MTFR1: variants seen among roughly 807,000 people sequenced by gnomAD.
MTFR1 encodes chondrocyte protein with a poly-proline region.
In MTFR1, 28 loss-of-function variants were observed where a neutral mutation model predicts 38.8. The observed-to-expected ratio is 0.72, with a 90% CI of 0.53 to 0.99. The LOEUF is 0.99. Among genes scored for constraint, MTFR1 ranks in the 50% least tolerant of loss-of-function variants. The pLI, the probability that MTFR1 is intolerant of heterozygous loss-of-function variation, is 0.00. For missense variants in MTFR1, 358 were observed against 395.5 expected (o/e 0.91, Z 0.81); for synonymous variants, 145 against 137.0 (o/e 1.06, Z -0.41).
intron 2 of MTFR1, among the ~76,000 whole-genome samples, chr8:65,675,812 G>A (rs190578993): frequency 2.6e-5 from 4 of 152,236 alleles, no homozygotes; most frequent in Admixed American, 2.0e-4. Context: ...TCTCTTTACT[G>A]TCTTTTATTT....
intron 3 of MTFR1, among the ~76,000 whole-genome samples, chr8:65,743,488 CA>C (rs1290386320): frequency 1.3e-5 from 2 of 152,154 alleles, no homozygotes; most frequent in African/African-American, 4.8e-5. Context: ...CTGATAAAGA[CA>C]AACTTCACTG....
At chr8:65,711,557 C>CTCTT (rs1805947289), downstream of MTFR1, among the ~76,000 whole-genome samples, 2 of 152,162 alleles carry the variant, frequency 1.3e-5, no homozygotes, top group Admixed American at 1.3e-4. Flanking sequence ...TTTCTGTGTC[C>CTCTT]TCTTTCCCTT....
intron 4 of MTFR1, among the ~76,000 whole-genome samples, chr8:65,703,686 T>C (rs912036156): frequency 6.6e-6 from 1 of 152,022 alleles, no homozygotes; most frequent in Non-Finnish European, 1.5e-5. Context: ...CCACCCACCT[T>C]GGGCTCCCAA....
chr8:65,739,630 G>A, intron 3 of MTFR1: 2 of 1,454,562 alleles, frequency 1.4e-6, no homozygotes, highest in Non-Finnish European at 1.8e-6. Context: ...ACATTAGTAG[G>A]AAATACAAGT....
chr8:65,648,394 T>G (rs952467291), intron 1 of MTFR1, among the ~76,000 whole-genome samples: 2 of 152,146 alleles, frequency 1.3e-5, no homozygotes, highest in Non-Finnish European at 2.9e-5. Context: ...GCAAATAGGT[T>G]TCTCAATTAC....
At position 65,735,523 on chromosome 8, in the gene MTFR1, C is replaced by T. The variant is rs552637429; in HGVS notation, c.*48+16042C>T. On this transcript the variant is annotated intron_variant, in intron 3 of 3. Coordinates refer to the MTFR1 transcript ENST00000521247. ...ACAGGATCTTGCCATGTTGCCCAGG[C>T]TGGTTTCAAACCCCTGGGCTCAAGG... 3.9e-5 allele frequency among the ~76,000 whole-genome samples: 6 copies of T among 152,218 alleles called. No individual in the cohort carries two copies. The South Asian group carries it at 1.0e-3, about 26-fold the overall frequency.
At chr8:65,693,397 G>T (rs1377768649) in intron 3 of MTFR1, among the ~76,000 whole-genome samples, 2 of 149,364 alleles carry the variant, frequency 1.3e-5, no homozygotes, top group African/African-American at 4.9e-5. Flanking sequence ...GCTAGACTTT[G>T]TCTCAAAAAA....
intron 3 of MTFR1, among the ~76,000 whole-genome samples, chr8:65,763,232 T>C (rs1808600215): frequency 6.6e-6 from 1 of 152,122 alleles, no homozygotes; most frequent in African/African-American, 2.4e-5. Context: ...ATGTTCACTT[T>C]GAAAAAATTT....
intron 3 of MTFR1, among the ~76,000 whole-genome samples, chr8:65,724,511 C>T (rs1442244257): frequency 6.6e-6 from 1 of 152,088 alleles, no homozygotes; most frequent in African/African-American, 2.4e-5. Flanking sequence ...GAATAAAATG[C>T]TATTTCTTAA....
chr8:65,708,003 A>T lies in MTFR1; in HGVS notation c.925A>T (p.Arg309Ter). ...PKSESEATSE[R>*]VLFGPHMLKP... ...GTCTGAATCAGAGGCCACCTCAGAG[A>T]GAGTGTTGGTGAGTTATTTGCCCAG... Residue 309 changes from arginine (R) to a stop codon, truncating the protein, a stop_gained, in exon 7 of 8, where the codon AGA (arginine) becomes TGA (stop). Coordinates refer to ENST00000262146, the MANE Select transcript of MTFR1 (RefSeq NM_014637.4). LOFTEE classifies it high-confidence loss of function. 2 of 1,612,166 alleles carry T rather than the reference A, an allele frequency of 1.2e-6. No homozygotes were observed. Among genetic ancestry groups the T allele is most frequent in the South Asian group, 1.1e-5 (1 of 91,078 alleles).
rs1338130921 is a variant in MTFR1, at chr8:65,709,799, T to TAA, written c.*756_*757dup. ...CAAATTATTGAATTAAATTTCTTCTTAAGAAGTAAAAACTCAGAATGTACC... is the reference window on the plus strand; with the variant it reads ...CAAATTATTGAATTAAATTTCTTCTTAAAAGAAGTAAAAACTCAGAATGTACC... On this transcript the variant is annotated 3_prime_UTR_variant, in exon 8 of 8. Coordinates refer to ENST00000262146, the MANE Select transcript of MTFR1 (RefSeq NM_014637.4). 6.5e-6 allele frequency: 1 copy of TAA among 152,678 alleles called. No homozygotes were observed. The highest frequency in any genetic ancestry group is 1.9e-4 in the East Asian group (1 of 5,204). 9.5% of individuals were successfully genotyped at this position (152,678 alleles called of 1,614,324 possible). A position where few individuals can be genotyped will look rare whatever the true frequency, so the allele number is the denominator to read the frequency against.
intron 4 of MTFR1, among the ~76,000 whole-genome samples, chr8:65,702,826 A>G (rs969314224): frequency 1.3e-5 from 2 of 151,694 alleles, no homozygotes; most frequent in Non-Finnish European, 2.9e-5. Context: ...ATGGGTGAGG[A>G]GCTAAAAAGG....
chr8:65,684,197 T>C (rs1445864527), intron 3 of MTFR1, among the ~76,000 whole-genome samples: 3 of 152,156 alleles, frequency 2.0e-5, no homozygotes, highest in Admixed American at 6.6e-5. Flanking sequence ...CTCGATGTTA[T>C]CAGTCTTTTA....
chr8:65,729,902 T>C (rs1806780662), intron 3 of MTFR1, among the ~76,000 whole-genome samples: 1 of 151,900 alleles, frequency 6.6e-6, no homozygotes, highest in Non-Finnish European at 1.5e-5. Context: ...ATTATGTCCA[T>C]CCTGAGAAAT....
chr8:65,719,664 C>T, intron 3 of MTFR1: 1 of 585,596 alleles, frequency 1.7e-6, no homozygotes, highest in South Asian at 2.2e-5. Flanking sequence ...ATGTACATAT[C>T]CACTTTGAAG....
chr8:65,688,645 C>G (rs1473417838), intron 3 of MTFR1, among the ~76,000 whole-genome samples: 1 of 149,720 alleles, frequency 6.7e-6, no homozygotes, highest in Admixed American at 6.7e-5. Context: ...GGGGTTTCAC[C>G]ATGTTAGCCA....
At chr8:65,653,789 G>A (rs1005789610) in intron 1 of MTFR1, among the ~76,000 whole-genome samples, 3 of 152,046 alleles carry the variant, frequency 2.0e-5, no homozygotes, top group Non-Finnish European at 2.9e-5. Flanking sequence ...AGTAGGCTGG[G>A]TATGGTGGCT....
intron 1 of MTFR1, among the ~76,000 whole-genome samples, chr8:65,668,024 CTG>C (rs1384835500): frequency 1.3e-5 from 2 of 152,082 alleles, no homozygotes; most frequent in Admixed American, 1.3e-4. Flanking sequence ...TTCCTATTCT[CTG>C]TTGTTATCTA....
chr8:65,650,887 C>A (rs1436011823), intron 1 of MTFR1, among the ~76,000 whole-genome samples: 1 of 152,144 alleles, frequency 6.6e-6, no homozygotes, highest in Non-Finnish European at 1.5e-5. Flanking sequence ...AAACCGTTCT[C>A]TATAGTGGTT....
Sources: allele counts gnomAD v4.1 joint callset (sites outside exome capture counted in the v4.1 genomes callset), GRCh38; gene constraint gnomAD v4.1.1; transcripts MANE v1.5; gene names NCBI Gene and HGNC (gene_info 2026-07-23, HGNC 2026-07-21).